NTRK2: variants seen among roughly 807,000 people sequenced by gnomAD.
The protein encoded by NTRK2 is neurotrophic receptor tyrosine kinase 2, also known as BDNF/NT-3 growth factors receptor.
A neutral mutation model predicts 94.5 loss-of-function variants in NTRK2; 13 were observed. That is an observed-to-expected ratio of 0.14 (90% confidence interval 0.09 to 0.22). The LOEUF is 0.22. Among genes scored for constraint, NTRK2 ranks in the 10% least tolerant of loss-of-function variants. NTRK2 has a pLI of 1.00. For synonymous variants in NTRK2, 372 were observed against 407.4 expected, an observed-to-expected ratio of 0.91 and a Z score of 1.05; for missense variants, 639 against 1,071.2, an observed-to-expected ratio of 0.60 and a Z score of 5.63.
chr9:84,997,901 C>G (rs1564536423), intron 17 of NTRK2, among the ~76,000 whole-genome samples: 1 of 152,192 alleles, frequency 6.6e-6, no homozygotes, highest in Non-Finnish European at 1.5e-5. Context: ...CCTCTTGGCT[C>G]TGCCTGACTT....
intron 12 of NTRK2, among the ~76,000 whole-genome samples, chr9:84,817,663 A>G (rs922076783): frequency 1.3e-5 from 2 of 152,234 alleles, no homozygotes; most frequent in Non-Finnish European, 2.9e-5. Context: ...CTATTTAAAA[A>G]TCTTTGGCTA....
chr9:84,759,876 G>T (rs923084087), intron 12 of NTRK2, among the ~76,000 whole-genome samples: 2 of 152,082 alleles, frequency 1.3e-5, no homozygotes, highest in African/African-American at 4.8e-5. Flanking sequence ...TGGTGGAAAA[G>T]CTTTTCAGAA....
At chr9:84,909,597 G>C (rs577602113) in intron 14 of NTRK2, among the ~76,000 whole-genome samples, 1 of 152,088 alleles carries the variant, frequency 6.6e-6, no homozygotes, top group South Asian at 2.1e-4. Flanking sequence ...GTCATTTGGT[G>C]TTGTCATTGT....
At chr9:84,813,213 G>A (rs2072007792) in intron 12 of NTRK2, 2 of 1,050,608 alleles carry the variant, frequency 1.9e-6, no homozygotes, top group Non-Finnish European at 2.3e-6. Context: ...AATGATCTGT[G>A]TGAGCCGATG....
At chr9:84,814,454 C>G (rs1051583684) in intron 12 of NTRK2, 1 of 1,065,896 alleles carries the variant, frequency 9.4e-7, no homozygotes, top group Non-Finnish European at 1.1e-6. Flanking sequence ...TTTTCTCTCT[C>G]TCTCTAGTAT....
chr9:84,919,593 T>C (rs1388347961), intron 14 of NTRK2, among the ~76,000 whole-genome samples: 1 of 152,210 alleles, frequency 6.6e-6, no homozygotes, highest in Non-Finnish European at 1.5e-5. Flanking sequence ...ACCGAGTCAT[T>C]TTAATGCTCA....
chr9:84,714,352 C>T (rs1409002278), intron 6 of NTRK2, among the ~76,000 whole-genome samples: 3 of 152,168 alleles, frequency 2.0e-5, no homozygotes, highest in East Asian at 3.8e-4. Context: ...TATGTGTCCA[C>T]TTGGGGCTGT....
intron 14 of NTRK2, among the ~76,000 whole-genome samples, chr9:84,892,096 A>G (rs2076613007): frequency 6.6e-6 from 1 of 152,202 alleles, no homozygotes; most frequent in Non-Finnish European, 1.5e-5. Flanking sequence ...CAGCAGCTGG[A>G]AAACAAATCA....
At position 84,723,628 on chromosome 9, in the gene NTRK2, T is replaced by C. The variant is rs201648873; in HGVS notation, c.639T>C (p.Ser213=). Residue 213 remains serine (S), a synonymous_variant, in exon 7 of 19, where the codon TCT becomes TCC. Transcript: ENST00000277120. ...APNLTVEEGK[S]ITLSCSVAGD... is the part of the protein sequence containing the mutation. Reference sequence around the variant, plus strand: ...ACCTCACTGTGGAGGAAGGAAAGTCTATCACATTATCCTGTAGTGTGGCAG... The same window carrying C: ...ACCTCACTGTGGAGGAAGGAAAGTCCATCACATTATCCTGTAGTGTGGCAG... 6.2e-6 allele frequency: 10 copies of C among 1,614,050 alleles called. No individual in the cohort carries two copies. In the African/African-American group the frequency reaches 1.3e-4, roughly 22 times the overall value.
chr9:84,776,037 C>T (rs1235586424), intron 12 of NTRK2, among the ~76,000 whole-genome samples: 2 of 151,888 alleles, frequency 1.3e-5, no homozygotes, highest in Non-Finnish European at 2.9e-5. Context: ...ATCTTAGAAA[C>T]TTCATTGTGG....
chr9:85,004,402 C>G (rs1271040622), intron 17 of NTRK2, among the ~76,000 whole-genome samples: 2 of 152,292 alleles, frequency 1.3e-5, no homozygotes, highest in African/African-American at 4.8e-5. Context: ...AAGAGAATTA[C>G]AATCCCCAAG....
chr9:84,864,512 T>G (rs1481867916), intron 13 of NTRK2, among the ~76,000 whole-genome samples: 1 of 151,992 alleles, frequency 6.6e-6, no homozygotes, highest in Non-Finnish European at 1.5e-5. Context: ...AAAAAGAAAT[T>G]TTAAGAAAAA....
chr9:84,750,947 G>A (rs1414498267), intron 11 of NTRK2, among the ~76,000 whole-genome samples: 1 of 152,232 alleles, frequency 6.6e-6, no homozygotes, highest in Non-Finnish European at 1.5e-5. Context: ...TGGGATGGGA[G>A]AGGATTCACA....
intron 17 of NTRK2, among the ~76,000 whole-genome samples, chr9:85,003,493 C>T (rs1830548222): frequency 6.6e-6 from 1 of 152,002 alleles, no homozygotes. Context: ...ACGTGGCTTT[C>T]AGTGTGCCCC....
At chr9:84,803,554 C>A (rs2070750874) in intron 12 of NTRK2, among the ~76,000 whole-genome samples, 1 of 152,116 alleles carries the variant, frequency 6.6e-6, no homozygotes, top group Non-Finnish European at 1.5e-5. Context: ...AGAGGGATAC[C>A]CTCCGTGGGT....
chr9:84,821,682 A>G (rs762205345), intron 12 of NTRK2, among the ~76,000 whole-genome samples: 22 of 152,214 alleles, frequency 1.4e-4, no homozygotes, highest in Non-Finnish European at 2.9e-4. Flanking sequence ...ACAGCTTGGA[A>G]ACTTCCATTT....
chr9:84,688,538 G>C (rs757982543), intron 2 of NTRK2, among the ~76,000 whole-genome samples: 1 of 152,142 alleles, frequency 6.6e-6, no homozygotes, highest in Non-Finnish European at 1.5e-5. Context: ...GACACAAGCA[G>C]ATCACAAGCA....
intron 12 of NTRK2, among the ~76,000 whole-genome samples, chr9:84,752,446 G>T (rs2064716755): frequency 6.6e-6 from 1 of 152,180 alleles, no homozygotes; most frequent in East Asian, 1.9e-4. Flanking sequence ...GTGCAGAAAG[G>T]TCTATGCTGC....
chr9:84,727,580 A>C, intron 8 of NTRK2, 74 bp from the exon 9 acceptor site: 1 of 1,428,420 alleles, frequency 7.0e-7, no homozygotes, highest in East Asian at 2.3e-5. Context: ...ATTCCCTATC[A>C]ATGACACAGA....
Sources: allele counts gnomAD v4.1 joint callset (sites outside exome capture counted in the v4.1 genomes callset), GRCh38; gene constraint gnomAD v4.1.1; transcripts MANE v1.5; gene names NCBI Gene and HGNC (gene_info 2026-07-23, HGNC 2026-07-21).